SRGAP3: variants seen among roughly 807,000 people sequenced by gnomAD.
SRGAP3 encodes SLIT-ROBO Rho GTPase activating protein 3, also known as SLIT-ROBO Rho GTPase-activating protein 3.
A neutral mutation model predicts 121.1 loss-of-function variants in SRGAP3; 39 were observed. The observed-to-expected ratio is 0.32, with a 90% CI of 0.25 to 0.42. SRGAP3 has a LOEUF of 0.42. SRGAP3 is among the 10% of genes least tolerant of loss of function. The pLI is 1.00. For synonymous variants in SRGAP3, 601 were observed against 570.0 expected (o/e 1.05, Z -0.77); for missense variants, 1,213 against 1,470.6 (o/e 0.82, Z 2.86).
At chr3:9,072,183 A>G (rs1036923201) in intron 4 of SRGAP3, among the ~76,000 whole-genome samples, 1 of 152,158 alleles carries the variant, frequency 6.6e-6, no homozygotes, top group African/African-American at 2.4e-5. Context: ...GGCTCCCTCC[A>G]GCATCCCGGG....
chr3:9,178,202 A>G (rs1951248383), intron 1 of SRGAP3, among the ~76,000 whole-genome samples: 1 of 152,208 alleles, frequency 6.6e-6, no homozygotes, highest in Non-Finnish European at 1.5e-5. Context: ...TGGGAGGCAC[A>G]GGTTGCAGTG....
intron 3 of SRGAP3, among the ~76,000 whole-genome samples, chr3:9,315,303 C>A (rs764476084): frequency 5.3e-5 from 8 of 152,188 alleles, no homozygotes; most frequent in African/African-American, 1.7e-4. Context: ...CCCACCAATC[C>A]CAGAAAAGTC....
intron 1 of SRGAP3, among the ~76,000 whole-genome samples, chr3:9,247,818 G>A (rs989662483): frequency 2.0e-5 from 3 of 152,206 alleles, no homozygotes; most frequent in African/African-American, 7.2e-5. Context: ...GAAAGCGGAC[G>A]CCAAGAGGCA....
chr3:9,028,283 C>T (rs906377106), intron 12 of SRGAP3, among the ~76,000 whole-genome samples: 2 of 152,190 alleles, frequency 1.3e-5, no homozygotes, highest in Admixed American at 6.5e-5. Context: ...GCCAAACAGC[C>T]GGCCTGTGGG....
Position 9,013,827 on chromosome 3 carries a change from G to A in SRGAP3, c.1829C>T (p.Ala610Val). The part of the protein sequence containing the change: ...LISTIKLENP[A>V]ERVHQIQQIL... Reference sequence around the variant, plus strand: ...TTGTTGGATCTGGTGCACCCTCTCGGCTGGGTTCTCCAGTTCTGTAACATA... The same window carrying A: ...TTGTTGGATCTGGTGCACCCTCTCGACTGGGTTCTCCAGTTCTGTAACATA... Residue 610 changes from alanine to valine, a missense_variant, in exon 16 of 22, where the codon GCC becomes GTC. Ala to Val is a moderately conservative substitution (Grantham distance 64, BLOSUM62 0). This residue lies in a region of SRGAP3 where 793 missense variants were observed against 1,032.9 expected (regional missense o/e 0.77). Coordinates refer to ENST00000383836, the MANE Select transcript of SRGAP3 (RefSeq NM_014850.4). 1.2e-6 allele frequency: 2 copies of A among 1,614,170 alleles called. No homozygotes were observed. Among genetic ancestry groups the A allele is most frequent in the Non-Finnish European group, 8.5e-7 (1 of 1,180,020 alleles).
intron 1 of SRGAP3, among the ~76,000 whole-genome samples, chr3:9,247,733 G>T (rs1953873165): frequency 6.6e-6 from 1 of 152,198 alleles, no homozygotes. Flanking sequence ...CGCTGAAGAT[G>T]CATTTTGTCT....
intron 3 of SRGAP3, among the ~76,000 whole-genome samples, chr3:9,260,970 G>T (rs1301343212): frequency 6.6e-6 from 1 of 152,138 alleles, no homozygotes; most frequent in Non-Finnish European, 1.5e-5. Context: ...GCATCTGGCG[G>T]GTGCCCCTCT....
chr3:9,098,343 C>T (rs1007449462), intron 3 of SRGAP3, among the ~76,000 whole-genome samples: 2 of 152,214 alleles, frequency 1.3e-5, no homozygotes, highest in African/African-American at 4.8e-5. Context: ...GTGATCACAG[C>T]TCACAGCAGC....
Position 9,013,783 on chromosome 3 carries a change from G to T in SRGAP3, c.1873C>A (p.Arg625Ser). ...QIQQILVTLP[R>S]VVIVVMRYLF... ...TATCTCATGACCACAATGACCACGCGGGGAAGGGTGACGAGGATTTGTTGG... is the reference window on the plus strand; with the variant it reads ...TATCTCATGACCACAATGACCACGCTGGGAAGGGTGACGAGGATTTGTTGG... The change falls in exon 16 of 22, where the codon CGC becomes AGC. Residue 625 changes from arginine to serine, a missense_variant. Arg to Ser is a moderately radical substitution (Grantham distance 110). Transcript: ENST00000383836. 1 of 1,614,214 alleles carries T rather than the reference G, an allele frequency of 6.2e-7. No homozygotes were observed. The highest frequency in any genetic ancestry group is 2.2e-5 in the East Asian group (1 of 44,876).
chr3:9,188,818 G>C (rs189199198), intron 1 of SRGAP3, among the ~76,000 whole-genome samples: 89 of 152,322 alleles, frequency 5.8e-4, no homozygotes, highest in African/African-American at 2.1e-3. Flanking sequence ...AATGCAAATA[G>C]GGAAAGATGC....
intron 1 of SRGAP3, among the ~76,000 whole-genome samples, chr3:9,144,536 G>A (rs528490178): frequency 6.6e-6 from 1 of 152,358 alleles, no homozygotes; most frequent in African/African-American, 2.4e-5. Context: ...GACCCAGGAG[G>A]AGGTAGTTGA....
chr3:9,330,781 C>T (rs1374738856), intron 1 of SRGAP3, among the ~76,000 whole-genome samples: 1 of 152,102 alleles, frequency 6.6e-6, no homozygotes, highest in East Asian at 1.9e-4. Flanking sequence ...AAGTGAGGTA[C>T]AGAAACAGTG....
intron 3 of SRGAP3, among the ~76,000 whole-genome samples, chr3:9,280,722 C>T (rs1396834211): frequency 6.6e-6 from 1 of 152,208 alleles, no homozygotes; most frequent in Non-Finnish European, 1.5e-5. Flanking sequence ...ACCCACTCGA[C>T]ACAGACATTT....
At chr3:9,015,766 C>G in intron 14 of SRGAP3, 35 bp from the exon 15 acceptor site, 1 of 1,613,440 alleles carries the variant, frequency 6.2e-7, no homozygotes, top group Non-Finnish European at 8.5e-7. Context: ...GATATTTCAG[C>G]TTGGGAAGGA....
At chr3:9,354,390 G>A (rs1446585080) in intron 1 of SRGAP3, among the ~76,000 whole-genome samples, 1 of 152,060 alleles carries the variant, frequency 6.6e-6, no homozygotes. Flanking sequence ...TTTAAGAATA[G>A]GCAAGGAGGC....
At chr3:9,126,645 C>CTAACTAAATAAATAAA (rs1310035999) in intron 1 of SRGAP3, among the ~76,000 whole-genome samples, 7 of 129,400 alleles carry the variant, frequency 5.4e-5, no homozygotes, top group African/African-American at 2.1e-4. Flanking sequence ...AACTAACTAA[C>CTAACTAAATAAATAAA]TAAATAAATA....
chr3:8,984,805 C>G lies in SRGAP3; in HGVS notation c.*714G>C, dbSNP rs1029611008. ...GCTTGGGGGTACTGCCTGCCCCACC[C>G]TTCCTTGAGGGGCAGACTGTTCTGG... On this transcript the variant is annotated 3_prime_UTR_variant, in exon 22 of 22. Coordinates refer to ENST00000383836, the MANE Select transcript of SRGAP3 (RefSeq NM_014850.4). The G allele has an allele frequency of 4.3e-6, 1 of 231,234 alleles. No homozygotes were observed. Among genetic ancestry groups the G allele is most frequent in the Admixed American group, 5.7e-5 (1 of 17,696 alleles). The allele number at this position is 231,234 out of a possible 1,614,324, so 14.3% of individuals were successfully genotyped here.
chr3:9,038,470 C>A (rs1352862279), intron 10 of SRGAP3, among the ~76,000 whole-genome samples: 1 of 152,192 alleles, frequency 6.6e-6, no homozygotes, highest in Non-Finnish European at 1.5e-5. Flanking sequence ...ATTTTAACTA[C>A]CACCCCTGGT....
At chr3:9,169,796 G>A (rs1366296348) in intron 1 of SRGAP3, among the ~76,000 whole-genome samples, 1 of 152,182 alleles carries the variant, frequency 6.6e-6, no homozygotes, top group Non-Finnish European at 1.5e-5. Flanking sequence ...GTTCCCTCTG[G>A]TACAGAAGGA....
Sources: gnomAD v4.1 joint callset for allele counts (sites outside exome capture counted in the v4.1 genomes callset) on GRCh38, gnomAD v4.1.1 for gene constraint, gnomAD v4.1.1 regional missense constraint, MANE v1.5 for transcripts, NCBI Gene and HGNC (gene_info 2026-07-23, HGNC 2026-07-21) for gene names.